Variants in CLUL1 observed in about 807,000 individuals in gnomAD.
CLUL1 encodes the protein clusterin like 1.
CLUL1 carries 43 observed loss-of-function variants against 49.4 expected under a neutral mutation model. The ratio of observed to expected loss-of-function variants is 0.87; its 90% CI spans 0.68 to 1.12. The LOEUF is 1.12. Among genes scored for constraint, CLUL1 ranks in the 50% most tolerant of loss-of-function variants. The pLI is 0.00. For missense variants in CLUL1, 486 were observed against 544.4 expected (o/e 0.89, Z 1.07); for synonymous variants, 192 against 184.9 (o/e 1.04, Z -0.31).
intron 8 of CLUL1, among the ~76,000 whole-genome samples, chr18:643,678 A>C (rs2074400431): frequency 6.6e-6 from 1 of 152,218 alleles, no homozygotes; most frequent in Non-Finnish European, 1.5e-5. Flanking sequence ...ACCTCCACAT[A>C]AAATAAAATT....
At chr18:628,639 C>CTTTTTT (rs577855173) in intron 6 of CLUL1, among the ~76,000 whole-genome samples, 1 of 137,586 alleles carries the variant, frequency 7.3e-6, no homozygotes, top group East Asian at 2.1e-4. Context: ...TTTCTTTTTT[C>CTTTTTT]TTTTTTTTTT....
At chr18:613,362 C>T (rs148551718) in intron 2 of CLUL1, 16 of 285,856 alleles carry the variant, frequency 5.6e-5, no homozygotes, top group Admixed American at 2.1e-4. Context: ...TGGTCTTGAA[C>T]TCCTGACCCA....
At chr18:597,366 T>C (rs1364663952) in intron 1 of CLUL1, among the ~76,000 whole-genome samples, 2 of 152,194 alleles carry the variant, frequency 1.3e-5, no homozygotes, top group Non-Finnish European at 2.9e-5. Context: ...ACGTTTATTC[T>C]CTTTTTCAAA....
At chr18:620,579 G>A (rs1000969042) in intron 4 of CLUL1, among the ~76,000 whole-genome samples, 3 of 152,022 alleles carry the variant, frequency 2.0e-5, no homozygotes, top group Admixed American at 6.6e-5. Context: ...CATACAGTTG[G>A]GCACACACAG....
chr18:630,278 T>C (rs989730178), intron 6 of CLUL1, among the ~76,000 whole-genome samples: 1 of 151,906 alleles, frequency 6.6e-6, no homozygotes, highest in African/African-American at 2.4e-5. Context: ...CTGGCTAATT[T>C]TTGTATTTTG....
intron 2 of CLUL1, among the ~76,000 whole-genome samples, chr18:609,019 T>C (rs1272060495): frequency 2.0e-5 from 3 of 152,192 alleles, no homozygotes; most frequent in African/African-American, 7.2e-5. Flanking sequence ...CGCCAAAGTG[T>C]TTCAGGTTCT....
At chr18:642,681 T>C (rs1439743584) in intron 8 of CLUL1, among the ~76,000 whole-genome samples, 2 of 152,170 alleles carry the variant, frequency 1.3e-5, no homozygotes, top group Non-Finnish European at 2.9e-5. Context: ...GAAGATGCAA[T>C]ATTCTGTGTG....
chr18:610,616 G>A (rs868604263), intron 2 of CLUL1, among the ~76,000 whole-genome samples: 3 of 152,142 alleles, frequency 2.0e-5, no homozygotes, highest in South Asian at 2.1e-4. Flanking sequence ...CAAAGCCCCA[G>A]GGAAGAGAAA....
intron 7 of CLUL1, among the ~76,000 whole-genome samples, chr18:635,182 G>A (rs1038438501): frequency 2.6e-5 from 4 of 152,166 alleles, no homozygotes; most frequent in Non-Finnish European, 5.9e-5. Flanking sequence ...GTGGTCCCCA[G>A]CCTTCTGGCA....
chr18:643,971 G>A (rs926149348), intron 8 of CLUL1, among the ~76,000 whole-genome samples: 12 of 152,204 alleles, frequency 7.9e-5, no homozygotes, highest in African/African-American at 2.7e-4. Context: ...TAAACTGCCT[G>A]TGAAGTTACT....
Position 619,242 on chromosome 18 carries a change from GA to G in CLUL1, c.137del (p.Asp46ValfsTer4). On this transcript the variant is annotated frameshift_variant, in exon 4 of 10. Transcript: ENST00000692774. LOFTEE classifies it high-confidence loss of function. ...SFSEVGEIDADEEVKKALTGI... is the reference protein window; with the variant it reads ...SFSEVGEIDAXEEVKKALTGI... Reference sequence around the variant, plus strand: ...TTCTGAGGTGGGGGAGATAGATGCAGATGAAGAGGTGAAGAAGGCTTTGACT... The same window carrying G: ...TTCTGAGGTGGGGGAGATAGATGCAGTGAAGAGGTGAAGAAGGCTTTGACT... 1 of 1,613,960 alleles carries G rather than the reference GA, an allele frequency of 6.2e-7. No individual in the cohort carries two copies. Among genetic ancestry groups the G allele is most frequent in the Non-Finnish European group, 8.5e-7 (1 of 1,179,958 alleles).
chr18:638,938 T>C (rs1027163083), intron 7 of CLUL1, among the ~76,000 whole-genome samples: 6 of 152,120 alleles, frequency 3.9e-5, no homozygotes, highest in Admixed American at 1.3e-4. Context: ...TGTGTTCCCA[T>C]CCACATCACA....
At chr18:628,487 C>T (rs8092657) in intron 6 of CLUL1, among the ~76,000 whole-genome samples, 124 of 152,148 alleles carry the variant, frequency 8.1e-4, no homozygotes, top group Middle Eastern at 6.8e-3. Flanking sequence ...AGTTAGATAC[C>T]GCATTCGAGA....
intron 7 of CLUL1, among the ~76,000 whole-genome samples, chr18:633,841 C>CGGAGCGTGTAATCGGAATGAATCAGGGT (rs1186718465): frequency 9.3e-5 from 3 of 32,086 alleles, no homozygotes; most frequent in Non-Finnish European, 3.3e-4. Flanking sequence ...TGAATCAGGG[C>CGGAGCGTGTAATCGGAATGAATCAGGGT]GGAGCGTGTA....
intron 6 of CLUL1, among the ~76,000 whole-genome samples, chr18:631,205 A>AT (rs1453394774): frequency 3.3e-5 from 5 of 152,156 alleles, no homozygotes; most frequent in African/African-American, 1.2e-4. Flanking sequence ...GTATAGGTTC[A>AT]TTTTGTTCTC....
At chr18:599,473 T>C (rs188159654) in intron 1 of CLUL1, among the ~76,000 whole-genome samples, 47 of 152,334 alleles carry the variant, frequency 3.1e-4, no homozygotes, top group Admixed American at 2.5e-3. Context: ...TCATTATTAT[T>C]ATTAGCTTTT....
At chr18:645,133 C>A in intron 9 of CLUL1, 36 bp downstream of exon 9, 1 of 1,461,988 alleles carries the variant, frequency 6.8e-7, no homozygotes, top group Non-Finnish European at 9.2e-7. Context: ...GCCTTGTTGA[C>A]AGGAATAGTT....
intron 2 of CLUL1, among the ~76,000 whole-genome samples, chr18:615,857 G>GTCA (rs767119519): frequency 5.3e-5 from 8 of 152,190 alleles, no homozygotes; most frequent in Non-Finnish European, 1.2e-4. Flanking sequence ...TTGAATGTGT[G>GTCA]TCACTCTCTG....
chr18:636,769 G>A (rs111278839), intron 7 of CLUL1, among the ~76,000 whole-genome samples: 3 of 151,832 alleles, frequency 2.0e-5, no homozygotes, highest in Non-Finnish European at 2.9e-5. Context: ...GGGATTACAG[G>A]CAACCGCCAC....
Sources: gnomAD v4.1 joint callset for allele counts (sites outside exome capture counted in the v4.1 genomes callset) on GRCh38, gnomAD v4.1.1 for gene constraint, MANE v1.5 for transcripts, NCBI Gene and HGNC (gene_info 2026-07-23, HGNC 2026-07-21) for gene names.